Variants in ADARB2 observed in about 807,000 individuals in gnomAD.
ADARB2 encodes the protein inactive double-stranded RNA-specific editase B2.
In ADARB2, 25 loss-of-function variants were observed where a neutral mutation model predicts 62.2. The observed-to-expected ratio is 0.40, with a 90% CI of 0.29 to 0.56. The LOEUF is 0.56. ADARB2 is among the 20% of genes least tolerant of loss of function. The probability of loss-of-function intolerance (pLI) is 0.43; values close to 1 mark genes in which losing one functional copy is unlikely to be tolerated. For synonymous variants in ADARB2, 572 were observed against 500.8 expected, an observed-to-expected ratio of 1.14 and a Z score of -1.90; for missense variants, 1,071 against 1,077.4, an observed-to-expected ratio of 0.99 and a Z score of 0.08.
intron 6 of ADARB2, among the ~76,000 whole-genome samples, chr10:1,233,418 G>C (rs1830828619): frequency 6.6e-6 from 1 of 152,176 alleles, no homozygotes; most frequent in Non-Finnish European, 1.5e-5. Context: ...CCCAGCCCAG[G>C]ACACAGGGAT....
Position 1,255,222 on chromosome 10 carries a change from C to G in ADARB2, c.1193-12923G>C, listed in dbSNP as rs55760389. Among the ~76,000 whole-genome samples, 38,328 of 152,188 alleles carry G rather than the reference C, an allele frequency of 0.25. 6,020 individuals carry two copies. The highest frequency in any genetic ancestry group is 0.5 in the South Asian group (2,388 of 4,822). On this transcript the variant is annotated intron_variant, in intron 4 of 9. Transcript: ENST00000381312. This position sits in a 1 kb window ranked among gnomAD's most constrained non-coding sequence, Gnocchi z 4.7. ...AATGAATAACTCTGCTGTTTTAACA[C>G]TCATTCTTTTTCCTTCCAAAATGGC...
At chr10:1,295,015 G>A (rs1397659695) in intron 3 of ADARB2, among the ~76,000 whole-genome samples, 3 of 152,200 alleles carry the variant, frequency 2.0e-5, no homozygotes, top group Non-Finnish European at 4.4e-5. Context: ...TAAGCAGCTG[G>A]CTTCTGCGGG....
chr10:1,631,227 C>A (rs964689773), intron 1 of ADARB2, among the ~76,000 whole-genome samples: 24 of 152,152 alleles, frequency 1.6e-4, no homozygotes, highest in Admixed American at 7.9e-4. Flanking sequence ...CCCTTTCTAC[C>A]CTGTCTTCCT....
intron 1 of ADARB2, among the ~76,000 whole-genome samples, chr10:1,603,693 CTTT>C (rs11407289): frequency 7.0e-6 from 1 of 143,532 alleles, no homozygotes. Context: ...GAGCTGTGAT[CTTT>C]TTTTTTTTTT....
At chr10:1,369,484 C>T (rs993123986) in intron 2 of ADARB2, among the ~76,000 whole-genome samples, 1 of 152,128 alleles carries the variant, frequency 6.6e-6, no homozygotes, top group Admixed American at 6.5e-5. Flanking sequence ...TTTCTCTGTG[C>T]GCCCCAAGTC....
chr10:1,685,848 G>A (rs1182987107), intron 1 of ADARB2, among the ~76,000 whole-genome samples: 1 of 152,198 alleles, frequency 6.6e-6, no homozygotes, highest in Non-Finnish European at 1.5e-5. Context: ...GCTGGGCTGG[G>A]GGAACAAGGA....
chr10:1,570,980 G>A (rs1198795676), intron 1 of ADARB2, among the ~76,000 whole-genome samples: 7 of 152,032 alleles, frequency 4.6e-5, no homozygotes, highest in East Asian at 1.9e-4. Flanking sequence ...TGGGCTTTAG[G>A]GTCTCCTGCC....
intron 1 of ADARB2, among the ~76,000 whole-genome samples, chr10:1,539,561 C>G (rs1832383195): frequency 6.6e-6 from 1 of 152,234 alleles, no homozygotes; most frequent in African/African-American, 2.4e-5. Context: ...GTAGAGGGTA[C>G]ACCGGAAATT....
chr10:1,295,558 G>A (rs1831515781), intron 3 of ADARB2, among the ~76,000 whole-genome samples: 1 of 151,548 alleles, frequency 6.6e-6, no homozygotes, highest in African/African-American at 2.4e-5. Flanking sequence ...TCTCTCTGGT[G>A]GTGGGAGTCT....
At chr10:1,485,185 T>C (rs934154846) in intron 1 of ADARB2, among the ~76,000 whole-genome samples, 1 of 152,032 alleles carries the variant, frequency 6.6e-6, no homozygotes, top group Non-Finnish European at 1.5e-5. Flanking sequence ...TAGATACCTA[T>C]GTAGGTATGT....
rs116496227 is a variant in ADARB2 at position 1,365,883 on chromosome 10, G to C, written c.188-1966C>G. Among the ~76,000 whole-genome samples the C allele has an allele frequency of 1.8e-3, 268 of 152,320 alleles. 1 individual carries two copies. Among genetic ancestry groups the C allele is most frequent in the African/African-American group, 6.0e-3 (249 of 41,554 alleles). The stretch of plus-strand genomic sequence containing the variant: ...AAGTTTCTATGGTTAGAGGAATGAT[G>C]AGTCATCAGTGAAATAATCACACTA... On this transcript the variant is annotated intron_variant, in intron 2 of 9. Transcript: ENST00000381312.
chr10:1,597,325 G>A (rs1833349348), intron 1 of ADARB2, among the ~76,000 whole-genome samples: 1 of 152,140 alleles, frequency 6.6e-6, no homozygotes, highest in Non-Finnish European at 1.5e-5. Flanking sequence ...AATTGACAGA[G>A]TAAACAGACA....
intron 8 of ADARB2, among the ~76,000 whole-genome samples, chr10:1,195,569 C>T (rs183352909): frequency 6.6e-6 from 1 of 152,068 alleles, no homozygotes; most frequent in Admixed American, 6.5e-5. Context: ...AGTTTTGACT[C>T]CAGGGGTGTG....
intron 3 of ADARB2, among the ~76,000 whole-genome samples, chr10:1,281,429 G>A (rs1831370182): frequency 6.6e-6 from 1 of 152,234 alleles, no homozygotes; most frequent in African/African-American, 2.4e-5. Context: ...TGCAATAGGA[G>A]GCCCAGGCAA....
At chr10:1,304,490 C>T (rs1831607300) in intron 3 of ADARB2, among the ~76,000 whole-genome samples, 1 of 152,130 alleles carries the variant, frequency 6.6e-6, no homozygotes, top group African/African-American at 2.4e-5. Flanking sequence ...AACAAGGATA[C>T]CCAGGAATTA....
At chr10:1,464,943 C>T (rs1379397758) in intron 1 of ADARB2, among the ~76,000 whole-genome samples, 3 of 152,256 alleles carry the variant, frequency 2.0e-5, no homozygotes, top group Admixed American at 1.3e-4. Flanking sequence ...AAGACCCACA[C>T]GGGACTGCCC....
At chr10:1,240,344 C>T in intron 5 of ADARB2, 1 of 152,448 alleles carries the variant, frequency 6.6e-6, no homozygotes, top group Admixed American at 6.6e-5. Context: ...GTGTTTACTC[C>T]CTGTGTCCTG....
At chr10:1,368,683 T>A (rs938964100) in intron 2 of ADARB2, among the ~76,000 whole-genome samples, 5 of 152,188 alleles carry the variant, frequency 3.3e-5, no homozygotes, top group Non-Finnish European at 5.9e-5. Context: ...AAGGCAAGAA[T>A]TCGTTCTCAC....
intron 4 of ADARB2, among the ~76,000 whole-genome samples, chr10:1,248,744 G>A (rs1432686897): frequency 6.6e-6 from 1 of 152,232 alleles, no homozygotes; most frequent in Non-Finnish European, 1.5e-5. Flanking sequence ...GCTATTGAGA[G>A]TAAAACTACT....
Sources: gnomAD v4.1 joint callset for allele counts (sites outside exome capture counted in the v4.1 genomes callset) on GRCh38, gnomAD v4.1.1 for gene constraint, Gnocchi (gnomAD v3.1) non-coding constraint, MANE v1.5 for transcripts, NCBI Gene and HGNC (gene_info 2026-07-23, HGNC 2026-07-21) for gene names.